RPRD2: variants seen among roughly 807,000 people sequenced by gnomAD.
RPRD2 encodes regulation of nuclear pre-mRNA domain containing 2, also known as regulation of nuclear pre-mRNA domain-containing protein 2.
In RPRD2, 12 loss-of-function variants were observed where a neutral mutation model predicts 104.4. The ratio of observed to expected loss-of-function variants is 0.11; its 90% CI spans 0.07 to 0.19. RPRD2 has a LOEUF of 0.19. Among genes scored for constraint, RPRD2 ranks in the 10% least tolerant of loss-of-function variants. The pLI is 1.00. For missense variants in RPRD2, 1,543 were observed against 1,790.1 expected, an observed-to-expected ratio of 0.86 and a Z score of 2.49; for synonymous variants, 714 against 684.9, an observed-to-expected ratio of 1.04 and a Z score of -0.66.
chr1:150,373,116 C>A (rs76109198), intron 1 of RPRD2, among the ~76,000 whole-genome samples: 18,136 of 151,754 alleles, frequency 0.12, 1,508 homozygotes, highest in African/African-American at 0.23. Flanking sequence ...CGGGTTCAAG[C>A]GATTCTCCTG....
chr1:150,437,550 T>C (rs181208110), intron 2 of RPRD2, among the ~76,000 whole-genome samples: 111 of 152,274 alleles, frequency 7.3e-4, no homozygotes, highest in Non-Finnish European at 1.4e-3. Flanking sequence ...TAATTGACTA[T>C]AGTATAGTGT....
At chr1:150,452,537 T>A (rs1262012973) in intron 7 of RPRD2, among the ~76,000 whole-genome samples, 1 of 152,234 alleles carries the variant, frequency 6.6e-6, no homozygotes, top group Non-Finnish European at 1.5e-5. Context: ...TTTATTTATA[T>A]GAATGGACTT....
At chr1:150,433,193 G>C (rs1275394155) in intron 2 of RPRD2, among the ~76,000 whole-genome samples, 1 of 151,906 alleles carries the variant, frequency 6.6e-6, no homozygotes, top group Non-Finnish European at 1.5e-5. Flanking sequence ...ACTGATGACA[G>C]ACTTCTCAGC....
intron 1 of RPRD2, among the ~76,000 whole-genome samples, chr1:150,390,939 C>A (rs1553883033): frequency 1.3e-5 from 2 of 152,086 alleles, no homozygotes; most frequent in African/African-American, 4.8e-5. Flanking sequence ...AAAAAGAAAT[C>A]TACTTGTACA....
chr1:150,472,781 A>C lies in RPRD2; in HGVS notation c.3833A>C (p.Glu1278Ala). 2.5e-6 allele frequency: 4 copies of C among 1,610,940 alleles called. No individual in the cohort carries two copies. The highest frequency in any genetic ancestry group is 3.4e-6 in the Non-Finnish European group (4 of 1,177,526). The change falls in exon 11 of 11, where the codon GAA becomes GCA. Residue 1278 changes from glutamate (E) to alanine (A), a missense_variant. Glu to Ala is a moderately radical substitution (Grantham distance 107, BLOSUM62 -1). This residue lies in a region of RPRD2 where 880 missense variants were observed against 885.6 expected (regional missense o/e 0.99). Coordinates refer to ENST00000369068, the MANE Select transcript of RPRD2 (RefSeq NM_015203.5). ...PTPPPPPPPGEHSSSGGSGVP... is the reference protein window; with the variant it reads ...PTPPPPPPPGAHSSSGGSGVP... The stretch of plus-strand genomic sequence containing the variant: ...CCACCTCCTCCTCCCCCTCCTGGGG[A>C]ACATAGCAGCAGTGGTGGGAGTGGT...
chr1:150,369,686 T>G (rs1272522822), intron 1 of RPRD2, among the ~76,000 whole-genome samples: 2 of 146,098 alleles, frequency 1.4e-5, no homozygotes, highest in African/African-American at 5.1e-5. Flanking sequence ...CTGGATCTCC[T>G]GACCTCATGA....
chr1:150,412,634 G>A (rs782487098), intron 1 of RPRD2, among the ~76,000 whole-genome samples: 10 of 152,130 alleles, frequency 6.6e-5, no homozygotes, highest in Admixed American at 1.3e-4. Flanking sequence ...TGGAAGAGAA[G>A]GCAGGATGCA....
Position 150,475,369 on chromosome 1 carries a change from C to T in RPRD2, c.*2035C>T, listed in dbSNP as rs1560235698. On this transcript the variant is annotated 3_prime_UTR_variant, in exon 11 of 11. Transcript: ENST00000369068. ...AAGAATGTGAATTCTCTTTGCTGCT[C>T]TTGTTTAAGCTAAAAGTAGTGTTTA... 2.0e-5 allele frequency: 3 copies of T among 152,160 alleles called. No homozygotes were observed. The highest frequency in any genetic ancestry group is 7.3e-5 in the African/African-American group (3 of 41,320). 9.4% of individuals were successfully genotyped at this position (152,160 alleles called of 1,614,324 possible).
intron 7 of RPRD2, among the ~76,000 whole-genome samples, chr1:150,451,241 T>C (rs12126130): frequency 0.22 from 33,704 of 152,126 alleles, 4,245 homozygotes; most frequent in African/African-American, 0.32. Context: ...TCTGTGTTCT[T>C]CATGTTTCGT....
In RPRD2 at chr1:150,387,566, C is replaced by CTTTTTTTTTTTTTTTTTTTTTTTT. The variant is rs1661661325; in HGVS notation, c.205+22647_205+22648insTTTTTTTTTTTTTTTTTTTTTTTT. Among the ~76,000 whole-genome samples the CTTTTTTTTTTTTTTTTTTTTTTTT allele has an allele frequency of 2.9e-5, 2 of 70,116 alleles. 1 individual carries two copies. The highest frequency in any genetic ancestry group is 9.2e-5 in the African/African-American group (2 of 21,832). 46.0% of individuals were successfully genotyped at this position (70,116 alleles called of 152,430 possible). A position where few individuals can be genotyped will look rare whatever the true frequency, so the allele number is the denominator to read the frequency against. The stretch of plus-strand genomic sequence containing the variant: ...TAAATCTTACAGAAGTTGCAACAGA[C>CTTTTTTTTTTTTTTTTTTTTTTTT]CTTTTTTTTTTTTTTTTTTTTTTTT... On this transcript the variant is annotated intron_variant, in intron 1 of 10. Coordinates refer to ENST00000369068, the MANE Select transcript of RPRD2 (RefSeq NM_015203.5).
At chr1:150,366,745 A>G (rs782087536) in intron 1 of RPRD2, among the ~76,000 whole-genome samples, 4 of 152,236 alleles carry the variant, frequency 2.6e-5, no homozygotes, top group Non-Finnish European at 5.9e-5. Context: ...TACCAGTGAT[A>G]TATTGCAAAC....
intron 1 of RPRD2, among the ~76,000 whole-genome samples, chr1:150,380,924 G>A (rs1389214054): frequency 6.6e-6 from 1 of 152,148 alleles, no homozygotes; most frequent in East Asian, 1.9e-4. Flanking sequence ...CAAAGTGCTG[G>A]GATTACAGGC....
At chr1:150,444,818 TA>T (rs1205515586) in intron 6 of RPRD2, among the ~76,000 whole-genome samples, 1 of 152,230 alleles carries the variant, frequency 6.6e-6, no homozygotes, top group African/African-American at 2.4e-5. Flanking sequence ...ACATAATAGA[TA>T]TTTGATGAAT....
At chr1:150,470,440 C>A in intron 10 of RPRD2, 121 bp from the exon 11 acceptor site, 2 of 985,974 alleles carry the variant, frequency 2.0e-6, no homozygotes, top group Non-Finnish European at 1.5e-6. Flanking sequence ...TTCCTTTTGG[C>A]CTTACACTTT....
intron 3 of RPRD2, 49 bp downstream of exon 3, chr1:150,441,072 CAATTACAT>C (rs1666376009): frequency 2.3e-6 from 2 of 885,682 alleles, no homozygotes; most frequent in Admixed American, 5.5e-5. Context: ...TCAGTCTTTA[CAATTACAT>C]AATTTTATAG....
intron 2 of RPRD2, among the ~76,000 whole-genome samples, chr1:150,438,763 C>T (rs1200120996): frequency 6.6e-6 from 1 of 152,118 alleles, no homozygotes; most frequent in East Asian, 1.9e-4. Context: ...GCCTATTGCT[C>T]TTTGGCTGTA....
intron 1 of RPRD2, among the ~76,000 whole-genome samples, chr1:150,369,613 C>T (rs1341507213): frequency 2.1e-5 from 2 of 97,518 alleles, no homozygotes; most frequent in Non-Finnish European, 4.8e-5. Context: ...CCCGTCACCG[C>T]GCCCAGCTAA....
At chr1:150,422,966 A>T (rs1553889997) in intron 2 of RPRD2, among the ~76,000 whole-genome samples, 2 of 152,216 alleles carry the variant, frequency 1.3e-5, no homozygotes, top group Non-Finnish European at 1.5e-5. Context: ...CTTTTTATTA[A>T]ATTTCAGTTT....
chr1:150,437,053 A>G (rs971575990), intron 2 of RPRD2, among the ~76,000 whole-genome samples: 1 of 149,322 alleles, frequency 6.7e-6, no homozygotes, highest in Admixed American at 6.6e-5. Flanking sequence ...TATTAAAAAA[A>G]GAAAGAAAGA....
Sources: gnomAD v4.1 joint callset for allele counts (sites outside exome capture counted in the v4.1 genomes callset) on GRCh38, gnomAD v4.1.1 for gene constraint, gnomAD v4.1.1 regional missense constraint, MANE v1.5 for transcripts, NCBI Gene and HGNC (gene_info 2026-07-23, HGNC 2026-07-21) for gene names.